The following EYA2 variants were observed in gnomAD, a reference collection of about 807,000 sequenced individuals.
The protein encoded by EYA2 is EYA transcriptional coactivator and phosphatase 2.
Under a neutral mutation model 69.2 loss-of-function variants are expected in EYA2, and 31 were observed. The observed-to-expected ratio is 0.45, with a 90% confidence interval of 0.34 to 0.60. The LOEUF is 0.60. Ranked by LOEUF, EYA2 falls within the 20% of genes least tolerant of loss-of-function variation. The pLI, the probability that EYA2 is intolerant of heterozygous loss-of-function variation, is 0.02. For synonymous variants in EYA2, 257 were observed against 279.4 expected (o/e 0.92, Z 0.80); for missense variants, 622 against 701.2 (o/e 0.89, Z 1.28).
chr20:46,977,279 T>C (rs141510737), intron 1 of EYA2, among the ~76,000 whole-genome samples: 118 of 152,348 alleles, frequency 7.7e-4, no homozygotes, highest in African/African-American at 2.8e-3. Flanking sequence ...TTAAAATGTA[T>C]TTACAAATAT....
At chr20:47,001,311 G>T (rs1982352617) in intron 2 of EYA2, 117 bp from the exon 3 acceptor site, 2 of 850,230 alleles carry the variant, frequency 2.4e-6, no homozygotes, top group Non-Finnish European at 4.1e-6. Flanking sequence ...GGTGGAGAAA[G>T]CCGCGGGCAG....
intron 8 of EYA2, among the ~76,000 whole-genome samples, chr20:47,095,100 ATAACT>A (rs2032210578): frequency 6.6e-6 from 1 of 152,194 alleles, no homozygotes; most frequent in African/African-American, 2.4e-5. Context: ...GAAACATAAA[ATAACT>A]TAGGAAAATT....
At chr20:47,050,177 T>C (rs1457849820) in intron 5 of EYA2, among the ~76,000 whole-genome samples, 1 of 152,248 alleles carries the variant, frequency 6.6e-6, no homozygotes, top group Non-Finnish European at 1.5e-5. Flanking sequence ...CGTAGAAATC[T>C]GCATGGTTCT....
chr20:47,017,753 C>T (rs767441397), intron 5 of EYA2, among the ~76,000 whole-genome samples: 1 of 152,186 alleles, frequency 6.6e-6, no homozygotes, highest in Non-Finnish European at 1.5e-5. Context: ...TCATGACGCT[C>T]TCAAGCAACG....
At chr20:47,165,133 A>G (rs927810130) in intron 10 of EYA2, among the ~76,000 whole-genome samples, 45 of 152,220 alleles carry the variant, frequency 3.0e-4, no homozygotes, top group African/African-American at 1.1e-3. Context: ...GAATTTCAAT[A>G]TAACTATAAC....
Position 47,088,721 on chromosome 20 carries a change from G to A in EYA2, c.662-518G>A, listed in dbSNP as rs202180853. Among the ~76,000 whole-genome samples the A allele has an allele frequency of 3.9e-5, 6 of 152,216 alleles. No individual in the cohort carries two copies. In the East Asian group the frequency reaches 1.2e-3, roughly 29 times the overall value. The stretch of plus-strand genomic sequence containing the variant: ...TCCTACTCTGCCTCCCGAGTAGCTG[G>A]GACTATAGGCATGCACCACCACACG... On this transcript the variant is annotated intron_variant, in intron 7 of 15. Transcript: ENST00000327619.
At chr20:47,131,092 GAAA>G (rs202033871) in intron 9 of EYA2, among the ~76,000 whole-genome samples, 1 of 149,456 alleles carries the variant, frequency 6.7e-6, no homozygotes, top group African/African-American at 2.5e-5. Flanking sequence ...TCCATCTCAA[GAAA>G]AAAAAAATCA....
chr20:47,143,225 C>A, intron 10 of EYA2, 77 bp downstream of exon 10: 2 of 1,202,128 alleles, frequency 1.7e-6, no homozygotes, highest in Non-Finnish European at 2.3e-6. Flanking sequence ...AAGGATGCTG[C>A]CTTTCCTTTC....
At chr20:46,922,907 G>A (rs1028034355) in intron 1 of EYA2, among the ~76,000 whole-genome samples, 3 of 152,276 alleles carry the variant, frequency 2.0e-5, no homozygotes, top group African/African-American at 7.2e-5. Flanking sequence ...CAGGATGTCC[G>A]GAGAAGGACG....
At chr20:47,044,573 C>A (rs995405732) in intron 5 of EYA2, among the ~76,000 whole-genome samples, 13 of 152,132 alleles carry the variant, frequency 8.5e-5, no homozygotes, top group African/African-American at 2.7e-4. Flanking sequence ...CAGGCTGGGT[C>A]TCACTAAGAA....
intron 5 of EYA2, among the ~76,000 whole-genome samples, chr20:47,069,690 A>G (rs1407010845): frequency 6.6e-6 from 1 of 152,112 alleles, no homozygotes; most frequent in African/African-American, 2.4e-5. Flanking sequence ...CATATTTCAT[A>G]CTTATATCAA....
At chr20:47,151,294 C>T (rs1247451307) in intron 10 of EYA2, among the ~76,000 whole-genome samples, 1 of 151,730 alleles carries the variant, frequency 6.6e-6, no homozygotes, top group Non-Finnish European at 1.5e-5. Context: ...TCGCTTGAAA[C>T]CAGGAGGCAG....
intron 5 of EYA2, among the ~76,000 whole-genome samples, chr20:47,038,782 C>T (rs1261890588): frequency 6.6e-6 from 1 of 152,148 alleles, no homozygotes; most frequent in African/African-American, 2.4e-5. Context: ...CACGTAGCCC[C>T]TGGCAGCCAC....
At chr20:46,918,355 C>A (rs1035515440) in intron 1 of EYA2, among the ~76,000 whole-genome samples, 2 of 150,876 alleles carry the variant, frequency 1.3e-5, no homozygotes, top group Non-Finnish European at 2.9e-5. Context: ...GTAGCCCAAG[C>A]TGATGTGCAA....
chr20:47,035,234 C>T (rs570840707), intron 5 of EYA2, among the ~76,000 whole-genome samples: 80 of 152,286 alleles, frequency 5.3e-4, no homozygotes, highest in Admixed American at 5.2e-3. Flanking sequence ...GGTCAAGGAT[C>T]CTGCTGCTCA....
intron 10 of EYA2, among the ~76,000 whole-genome samples, chr20:47,151,601 C>T (rs185570341): frequency 6.6e-6 from 1 of 152,080 alleles, no homozygotes; most frequent in East Asian, 2.0e-4. Flanking sequence ...AGGTCCAAGG[C>T]CTCGCCAGTT....
In EYA2 at chr20:47,133,133, G is replaced by A. The variant is rs947950046; in HGVS notation, c.889-9926G>A. Among the ~76,000 whole-genome samples, 3 of 152,254 alleles carry A rather than the reference G, an allele frequency of 2.0e-5. No individual in the cohort carries two copies. In the East Asian group the frequency reaches 5.8e-4, roughly 29 times the overall value. On this transcript the variant is annotated intron_variant, in intron 9 of 15. Transcript: ENST00000327619. ...CAAACGTAGACCTAAAGCAAGGTGG[G>A]ATCCAGCTCCCTAAATATTTTCATA...
At chr20:47,156,224 C>T (rs2033949831) in intron 10 of EYA2, among the ~76,000 whole-genome samples, 1 of 133,542 alleles carries the variant, frequency 7.5e-6, no homozygotes, top group African/African-American at 2.6e-5. Context: ...GTCCCAGCTA[C>T]TCGGGAGGCT....
chr20:47,134,825 TA>T (rs2033421623), intron 9 of EYA2, among the ~76,000 whole-genome samples: 1 of 152,104 alleles, frequency 6.6e-6, no homozygotes, highest in South Asian at 2.1e-4. Context: ...AACAAAACTT[TA>T]TTTACAAAAA....
Sources: gnomAD v4.1 joint callset for allele counts (sites outside exome capture counted in the v4.1 genomes callset) on GRCh38, gnomAD v4.1.1 for gene constraint, MANE v1.5 for transcripts, NCBI Gene and HGNC (gene_info 2026-07-23, HGNC 2026-07-21) for gene names.